The following ITCH variants were observed in gnomAD, a reference collection of about 807,000 sequenced individuals.
ITCH encodes the protein itchy E3 ubiquitin protein ligase.
ITCH carries 28 observed loss-of-function variants against 126.8 expected under a neutral mutation model. That is an observed-to-expected ratio of 0.22 (90% CI 0.16 to 0.30). ITCH has a LOEUF of 0.30. Ranked by LOEUF, ITCH falls within the 10% of genes least tolerant of loss-of-function variation. The pLI is 1.00. For synonymous variants in ITCH, 342 were observed against 340.0 expected (o/e 1.01, Z -0.06); for missense variants, 631 against 1,032.4 (o/e 0.61, Z 5.33).
In ITCH at chr20:34,509,661, T is replaced by C. The variant is rs1300463256; in HGVS notation, c.*1867T>C. 1 of 152,592 alleles carries C rather than the reference T, an allele frequency of 6.6e-6. No homozygotes were observed. The highest frequency in any genetic ancestry group is 1.5e-5 in the Non-Finnish European group (1 of 68,018). The allele number at this position is 152,592 out of a possible 1,614,324, so 9.5% of individuals were successfully genotyped here. On this transcript the variant is annotated 3_prime_UTR_variant, in exon 25 of 25. Transcript: ENST00000374864. ...AATACTGTGTGGTTTCTAAAAGCCC[T>C]GGTTGTTAAAAGTAGGGACTCTGCC...
intron 1 of ITCH, among the ~76,000 whole-genome samples, chr20:34,363,590 C>G (rs1410151442): frequency 1.3e-5 from 2 of 152,204 alleles, no homozygotes; most frequent in Non-Finnish European, 2.9e-5. Flanking sequence ...CTGGCACAGG[C>G]TTCCGGAGGC....
intron 2 of ITCH, among the ~76,000 whole-genome samples, chr20:34,389,363 T>C (rs1363264667): frequency 1.3e-5 from 2 of 152,096 alleles, no homozygotes; most frequent in Non-Finnish European, 2.9e-5. Context: ...AGTGGATCTG[T>C]GCAGTTCAAA....
chr20:34,448,114 G>A (rs1984690124), intron 11 of ITCH, among the ~76,000 whole-genome samples: 1 of 152,190 alleles, frequency 6.6e-6, no homozygotes, highest in African/African-American at 2.4e-5. Flanking sequence ...TGTCAGCCTG[G>A]CGCGGTGGCT....
chr20:34,439,693 G>A (rs949915372), intron 8 of ITCH, among the ~76,000 whole-genome samples: 1 of 152,170 alleles, frequency 6.6e-6, no homozygotes, highest in African/African-American at 2.4e-5. Context: ...TCTTAAAGGT[G>A]TAATGTATGA....
Position 34,368,951 on chromosome 20 carries a change from A to G in ITCH, c.-98-443A>G, listed in dbSNP as rs188883535. ...TTCTTTCTTTTGTCCTGTCTGCTCC[A>G]TTAAAAATTGTCTATCCCATGAAAT... On this transcript the variant is annotated intron_variant, in intron 1 of 24. Transcript: ENST00000374864. Among the ~76,000 whole-genome samples the G allele has an allele frequency of 2.8e-3, 433 of 152,284 alleles. 3 individuals carry two copies. The highest frequency in any genetic ancestry group is 0.011 in the South Asian group (51 of 4,824).
chr20:34,501,028 C>T (rs1990215710), intron 23 of ITCH, among the ~76,000 whole-genome samples: 1 of 152,146 alleles, frequency 6.6e-6, no homozygotes, highest in Non-Finnish European at 1.5e-5. Context: ...GTAATCTTGG[C>T]TGCCAATTTT....
At chr20:34,479,603 T>C (rs769952966) in intron 17 of ITCH, 27 bp from the exon 18 acceptor site, 2 of 1,607,470 alleles carry the variant, frequency 1.2e-6, no homozygotes, top group Non-Finnish European at 1.7e-6. Context: ...ACAAGATTTT[T>C]CATCGTAAAT....
At chr20:34,412,998 G>T (rs923178180) in intron 5 of ITCH, among the ~76,000 whole-genome samples, 5 of 151,830 alleles carry the variant, frequency 3.3e-5, no homozygotes, top group Non-Finnish European at 5.9e-5. Context: ...TTCCTTTTCA[G>T]ATGCTTTTTT....
intron 2 of ITCH, among the ~76,000 whole-genome samples, chr20:34,377,310 G>A (rs890066463): frequency 9.9e-5 from 15 of 152,226 alleles, no homozygotes; most frequent in East Asian, 1.9e-4. Context: ...GGAGGCGGAG[G>A]TTGCAATGAG....
intron 14 of ITCH, among the ~76,000 whole-genome samples, chr20:34,464,836 G>C (rs1986895507): frequency 6.6e-6 from 1 of 151,864 alleles, no homozygotes; most frequent in Non-Finnish European, 1.5e-5. Flanking sequence ...TCAGCCTCCT[G>C]AGTAGCTGGG....
At position 34,413,839 on chromosome 20, in the gene ITCH, G is replaced by A. The variant is rs1210710672; in HGVS notation, c.435G>A (p.Glu145=). The A allele has an allele frequency of 1.9e-6, 3 of 1,613,696 alleles. No homozygotes were observed. The highest frequency in any genetic ancestry group is 2.7e-5 in the African/African-American group (2 of 74,898). The change falls in exon 6 of 25, where the codon GAG becomes GAA. Residue 145 remains glutamate (E), a synonymous_variant. Transcript: ENST00000374864. The stretch of plus-strand genomic sequence containing the variant: ...TTTGTCTTGATGGGCTACAGTTAGA[G>A]TCTGAAGTTGTTACCAATGGTGAAA... ...LSICLDGLQL[E]SEVVTNGETT...
chr20:34,412,694 A>C, intron 5 of ITCH, 55 bp downstream of exon 5: 1 of 1,441,680 alleles, frequency 6.9e-7, no homozygotes, highest in South Asian at 1.1e-5. Flanking sequence ...TTCTGGAAGA[A>C]ATTTATATGT....
intron 20 of ITCH, among the ~76,000 whole-genome samples, chr20:34,484,898 C>A (rs1441074483): frequency 6.6e-6 from 1 of 151,938 alleles, no homozygotes. Context: ...AATTGTGGAA[C>A]TTTTTTTTCT....
intron 20 of ITCH, among the ~76,000 whole-genome samples, chr20:34,488,769 G>A (rs1989311528): frequency 6.6e-6 from 1 of 152,154 alleles, no homozygotes; most frequent in Non-Finnish European, 1.5e-5. Flanking sequence ...TGGCAATGGT[G>A]GCACACGCTT....
At chr20:34,487,412 A>G (rs770891306) in intron 20 of ITCH, among the ~76,000 whole-genome samples, 3 of 152,126 alleles carry the variant, frequency 2.0e-5, no homozygotes, top group Admixed American at 6.6e-5. Context: ...TTGTCTAACC[A>G]TTGCTATTTG....
Position 34,507,908 on chromosome 20 carries a change from TGTAA to T in ITCH, c.*119_*122del. ...ATGGCTCTTTAGAGAGTTATCTGAGTGTAAGTAAATTAATGTTCTCATTTAGATT... is the reference window on the plus strand; with the variant it reads ...ATGGCTCTTTAGAGAGTTATCTGAGTGTAAATTAATGTTCTCATTTAGATT... On this transcript the variant is annotated 3_prime_UTR_variant, in exon 25 of 25. Transcript: ENST00000374864. 4.0e-6 allele frequency: 3 copies of T among 753,362 alleles called. No homozygotes were observed. Among genetic ancestry groups the T allele is most frequent in the Non-Finnish European group, 7.1e-6 (3 of 424,210 alleles). 46.7% of individuals were successfully genotyped at this position (753,362 alleles called of 1,614,324 possible). A position where few individuals can be genotyped will look rare whatever the true frequency, so the allele number is the denominator to read the frequency against.
chr20:34,466,693 C>T (rs2099055281), intron 14 of ITCH, among the ~76,000 whole-genome samples: 3 of 152,062 alleles, frequency 2.0e-5, no homozygotes. Flanking sequence ...ACATCATTAC[C>T]ATTGCTCAAA....
chr20:34,367,195 T>C (rs1016705501), intron 1 of ITCH, among the ~76,000 whole-genome samples: 4 of 152,162 alleles, frequency 2.6e-5, no homozygotes, highest in African/African-American at 9.7e-5. Context: ...TTACTATTTT[T>C]GAGATGGAGT....
intron 4 of ITCH, among the ~76,000 whole-genome samples, chr20:34,410,384 G>GA (rs904883569): frequency 1.7e-3 from 51 of 29,500 alleles, no homozygotes; most frequent in Admixed American, 3.9e-3. Flanking sequence ...AAAAAAGAGA[G>GA]AAAAAAAAAA....
Sources: allele counts gnomAD v4.1 joint callset (sites outside exome capture counted in the v4.1 genomes callset), GRCh38; gene constraint gnomAD v4.1.1; transcripts MANE v1.5; gene names NCBI Gene and HGNC (gene_info 2026-07-23, HGNC 2026-07-21).